Variants in ZNF536 observed in about 807,000 individuals in gnomAD.
ZNF536 encodes zinc finger protein 536.
In ZNF536, 13 loss-of-function variants were observed where a neutral mutation model predicts 84.5. The observed-to-expected ratio is 0.15, with a 90% CI of 0.10 to 0.24. ZNF536 has a LOEUF of 0.24. Ranked by LOEUF, ZNF536 falls within the 10% of genes least tolerant of loss-of-function variation. ZNF536 has a pLI of 1.00. For missense variants in ZNF536, 1,536 were observed against 1,747.5 expected, an observed-to-expected ratio of 0.88 and a Z score of 2.16; for synonymous variants, 811 against 742.5, an observed-to-expected ratio of 1.09 and a Z score of -1.50.
intron 2 of ZNF536, among the ~76,000 whole-genome samples, chr19:30,523,338 T>A (rs2044443935): frequency 6.6e-6 from 1 of 152,206 alleles, no homozygotes; most frequent in Admixed American, 6.5e-5. Flanking sequence ...GTGATTTATA[T>A]ACCTTAGACT....
intron 2 of ZNF536, among the ~76,000 whole-genome samples, chr19:30,293,214 A>G (rs970132470): frequency 8.5e-5 from 13 of 152,070 alleles, no homozygotes; most frequent in Non-Finnish European, 1.6e-4. Context: ...GGGAGTGGTT[A>G]GTTCTCTCTC....
At chr19:30,692,936 T>A (rs1327020185) in intron 1 of ZNF536, among the ~76,000 whole-genome samples, 1 of 152,148 alleles carries the variant, frequency 6.6e-6, no homozygotes, top group Non-Finnish European at 1.5e-5. Flanking sequence ...CGTTTATAAT[T>A]CCTCTGGATT....
At chr19:30,672,349 C>A (rs1299469788) in intron 1 of ZNF536, among the ~76,000 whole-genome samples, 1 of 152,158 alleles carries the variant, frequency 6.6e-6, no homozygotes, top group Non-Finnish European at 1.5e-5. Context: ...AAGTTGGTAC[C>A]CTTACATGCA....
intron 2 of ZNF536, among the ~76,000 whole-genome samples, chr19:30,345,481 G>A (rs2047711820): frequency 6.6e-6 from 1 of 152,248 alleles, no homozygotes; most frequent in South Asian, 2.1e-4. Context: ...GTCTTCACCA[G>A]TTTATGGTAA....
intron 3 of ZNF536, among the ~76,000 whole-genome samples, chr19:30,357,006 C>T (rs1198361316): frequency 6.6e-6 from 1 of 152,188 alleles, no homozygotes; most frequent in Non-Finnish European, 1.5e-5. Flanking sequence ...GCACTGGGCA[C>T]AATGTTGGAC....
chr19:30,305,646 A>G (rs2046319830), intron 2 of ZNF536, among the ~76,000 whole-genome samples: 1 of 152,202 alleles, frequency 6.6e-6, no homozygotes, highest in Non-Finnish European at 1.5e-5. Context: ...CTTGGGCCAC[A>G]GTCTCTTGCC....
rs368018153 is a variant in ZNF536, at chr19:30,443,677, A to T, written c.115A>T (p.Ile39Phe). ...QYAMSQKLHQ[I>F]TSQLSHAFPE... ...TGCCATGAGTCAGAAGCTGCACCAG[A>T]TCACCTCCCAGCTCAGCCATGCCTT... is the stretch of plus-strand genomic sequence containing the variant. The change falls in exon 2 of 5, where the codon ATC becomes TTC. Residue 39 changes from isoleucine to phenylalanine, a missense_variant. Around this residue, in one of 8 missense-constraint regions of ZNF536, gnomAD observed 161 missense variants for 178.5 expected, o/e 0.90. Coordinates refer to ENST00000355537, the MANE Select transcript of ZNF536 (RefSeq NM_014717.3). 6.2e-7 allele frequency: 1 copy of T among 1,613,780 alleles called. No homozygotes were observed. Among genetic ancestry groups the T allele is most frequent in the Non-Finnish European group, 8.5e-7 (1 of 1,179,958 alleles).
At chr19:30,405,897 C>A (rs1029537861) in intron 1 of ZNF536, among the ~76,000 whole-genome samples, 1 of 152,102 alleles carries the variant, frequency 6.6e-6, no homozygotes, top group East Asian at 1.9e-4. Context: ...CCTGCCTCAG[C>A]CTCCCGAGTA....
At chr19:30,471,586 T>C (rs988780385) in intron 2 of ZNF536, among the ~76,000 whole-genome samples, 2 of 152,316 alleles carry the variant, frequency 1.3e-5, no homozygotes, top group East Asian at 3.9e-4. Context: ...GTGCCAGCTG[T>C]CCTTGATCCC....
chr19:30,559,139 C>T (rs147661556), downstream of ZNF536, among the ~76,000 whole-genome samples: 62 of 152,160 alleles, frequency 4.1e-4, no homozygotes, highest in Middle Eastern at 3.4e-3. Flanking sequence ...TGAGAAGACA[C>T]GATAAAAGCT....
intron 2 of ZNF536, among the ~76,000 whole-genome samples, chr19:30,493,137 A>G (rs1294384377): frequency 1.7e-5 from 2 of 114,798 alleles, no homozygotes; most frequent in African/African-American, 7.1e-5. Flanking sequence ...CAGTGCACAT[A>G]GTTCTGGGCA....
At chr19:30,357,339 C>G (rs549330003) in intron 3 of ZNF536, among the ~76,000 whole-genome samples, 8 of 152,172 alleles carry the variant, frequency 5.3e-5, no homozygotes, top group African/African-American at 1.9e-4. Context: ...CGGGGAAGAG[C>G]GTGGCATGTC....
At chr19:30,701,298 TACACAA>T (rs1798873518) in intron 1 of ZNF536, among the ~76,000 whole-genome samples, 1 of 86,740 alleles carries the variant, frequency 1.2e-5, no homozygotes, top group African/African-American at 4.7e-5. Context: ...CAAACACACA[TACACAA>T]ACACACACAG....
chr19:30,639,742 T>G (rs2049196316), intron 1 of ZNF536, among the ~76,000 whole-genome samples: 1 of 152,196 alleles, frequency 6.6e-6, no homozygotes, highest in Non-Finnish European at 1.5e-5. Context: ...TAGATTCTGG[T>G]GTTTATCTTC....
intron 1 of ZNF536, among the ~76,000 whole-genome samples, chr19:30,263,049 G>A (rs1161903627): frequency 1.3e-5 from 2 of 152,284 alleles, no homozygotes; most frequent in East Asian, 3.9e-4. Context: ...AGGCATGAGG[G>A]AGGATGTCCT....
chr19:30,712,965 G>GAA (rs796879196), exon 2 of ZNF536: 13 of 148,156 alleles, frequency 8.8e-5, no homozygotes, highest in African/African-American at 3.0e-4. Context: ...AAAGAAAAAA[G>GAA]AAAAAAAAGA....
At chr19:30,467,699 C>T (rs80109433) in intron 2 of ZNF536, among the ~76,000 whole-genome samples, 13,499 of 152,272 alleles carry the variant, frequency 0.089, 720 homozygotes, top group South Asian at 0.14. Flanking sequence ...AGCGGGACCT[C>T]TTTCTGCAGT....
intron 1 of ZNF536, among the ~76,000 whole-genome samples, chr19:30,583,722 C>T (rs1382262498): frequency 6.6e-6 from 1 of 152,142 alleles, no homozygotes; most frequent in Non-Finnish European, 1.5e-5. Context: ...TAGCTACTGG[C>T]ACAGTGACTA....
intron 1 of ZNF536, among the ~76,000 whole-genome samples, chr19:30,698,652 G>A (rs1348872256): frequency 3.3e-5 from 5 of 152,092 alleles, no homozygotes; most frequent in South Asian, 2.1e-4. Context: ...TATGGATTTA[G>A]GGAAGGAAGA....
Sources: gnomAD v4.1 joint callset for allele counts (sites outside exome capture counted in the v4.1 genomes callset) on GRCh38, gnomAD v4.1.1 for gene constraint, gnomAD v4.1.1 regional missense constraint, MANE v1.5 for transcripts, NCBI Gene and HGNC (gene_info 2026-07-23, HGNC 2026-07-21) for gene names.